The following CYTH1 variants were observed in gnomAD, a reference collection of about 807,000 sequenced individuals.
CYTH1 encodes the protein cytohesin 1.
A neutral mutation model predicts 61.8 loss-of-function variants in CYTH1; 18 were observed. That is an observed-to-expected ratio of 0.29 (90% confidence interval 0.20 to 0.43). The LOEUF is 0.43. Ranked by LOEUF, CYTH1 falls within the 20% of genes least tolerant of loss-of-function variation. The pLI, the probability that CYTH1 is intolerant of heterozygous loss-of-function variation, is 1.00. For synonymous variants in CYTH1, 174 were observed against 184.3 expected (o/e 0.94, Z 0.45); for missense variants, 336 against 510.5 (o/e 0.66, Z 3.29).
intron 1 of CYTH1, among the ~76,000 whole-genome samples, chr17:78,768,838 C>G (rs1010315979): frequency 6.6e-6 from 1 of 152,024 alleles, no homozygotes; most frequent in African/African-American, 2.4e-5. Flanking sequence ...TCCCTTCCCC[C>G]TCTTGGCAAA....
chr17:78,678,894 G>A (rs897861623), intron 13 of CYTH1, among the ~76,000 whole-genome samples: 24 of 152,382 alleles, frequency 1.6e-4, no homozygotes, highest in African/African-American at 5.5e-4. Flanking sequence ...GAGACAGAGC[G>A]AGGAGTCTCA....
intron 2 of CYTH1, 160 bp downstream of exon 2, chr17:78,709,490 G>T: frequency 1.5e-6 from 1 of 661,084 alleles, no homozygotes; most frequent in Non-Finnish European, 2.6e-6. Flanking sequence ...AGCTGTAGAG[G>T]AAAGGTGACT....
chr17:78,752,558 G>A (rs1286166932), intron 1 of CYTH1, among the ~76,000 whole-genome samples: 4 of 152,046 alleles, frequency 2.6e-5, no homozygotes, highest in African/African-American at 4.8e-5. Flanking sequence ...TCAGCTTCCC[G>A]AGTAACTGAG....
intron 1 of CYTH1, among the ~76,000 whole-genome samples, chr17:78,756,365 C>T (rs1005575434): frequency 2.0e-5 from 3 of 152,040 alleles, no homozygotes; most frequent in Non-Finnish European, 4.4e-5. Flanking sequence ...CATGAGCCAC[C>T]GCGCCCAGCC....
At chr17:78,676,792 C>T (rs1018074370) in intron 13 of CYTH1, 1 of 357,332 alleles carries the variant, frequency 2.8e-6, no homozygotes, top group Middle Eastern at 7.2e-4. Flanking sequence ...GCCTCAAAGA[C>T]AGCAGCGCAG....
intron 1 of CYTH1, among the ~76,000 whole-genome samples, chr17:78,752,015 C>T (rs1353331787): frequency 6.6e-6 from 1 of 152,162 alleles, no homozygotes; most frequent in Admixed American, 6.5e-5. Context: ...GGATAACAGG[C>T]GTGAGCCACC....
At position 78,730,255 on chromosome 17, in the gene CYTH1, G is replaced by C. The variant is rs561138180; in HGVS notation, c.23-20523C>G. On this transcript the variant is annotated intron_variant, in intron 1 of 13. Transcript: ENST00000446868. ...ATAGTCACTGACTAGGCCGGGCGCG[G>C]TGTCTCACGCCTTTAATCCCAGCAC... is the stretch of plus-strand genomic sequence containing the variant. Among the ~76,000 whole-genome samples the C allele has an allele frequency of 5.3e-5, 8 of 151,700 alleles. No individual in the cohort carries two copies. The East Asian group carries it at 1.6e-3, about 30-fold the overall frequency.
intron 1 of CYTH1, among the ~76,000 whole-genome samples, chr17:78,780,949 G>T (rs2093514669): frequency 6.6e-6 from 1 of 152,126 alleles, no homozygotes. Context: ...GGCCGAGGTT[G>T]CAGTGAGCCG....
chr17:78,687,001 G>A (rs907575479), intron 11 of CYTH1, among the ~76,000 whole-genome samples: 10 of 151,854 alleles, frequency 6.6e-5, no homozygotes, highest in African/African-American at 1.9e-4. Flanking sequence ...GGCTGGTCTC[G>A]AACTCCCAAC....
At chr17:78,749,664 AT>A (rs1327733188) in intron 1 of CYTH1, among the ~76,000 whole-genome samples, 46 of 151,976 alleles carry the variant, frequency 3.0e-4, no homozygotes, top group African/African-American at 1.1e-3. Context: ...AAATAAAAAA[AT>A]AAAAAAAAAC....
intron 1 of CYTH1, among the ~76,000 whole-genome samples, chr17:78,761,122 C>G (rs1389687985): frequency 2.0e-5 from 3 of 152,056 alleles, no homozygotes; most frequent in African/African-American, 7.2e-5. Context: ...TGTGAGCCAC[C>G]GCGCCCAGCC....
chr17:78,701,795 G>A (rs2093012371), intron 5 of CYTH1, 44 bp from the exon 6 acceptor site: 1 of 1,587,510 alleles, frequency 6.3e-7, no homozygotes, highest in South Asian at 1.1e-5. Context: ...CAGGAGTCAG[G>A]CACCAACACT....
At chr17:78,748,757 C>T (rs1404807017) in intron 1 of CYTH1, among the ~76,000 whole-genome samples, 4 of 151,986 alleles carry the variant, frequency 2.6e-5, no homozygotes, top group Admixed American at 1.3e-4. Context: ...TGCTTTTGTC[C>T]CTTGTTGCTT....
At chr17:78,685,574 C>T (rs2092808480) in intron 11 of CYTH1, among the ~76,000 whole-genome samples, 1 of 152,116 alleles carries the variant, frequency 6.6e-6, no homozygotes, top group African/African-American at 2.4e-5. Context: ...TTTTCGTATT[C>T]TGAACTTAAG....
chr17:78,777,349 C>CAG (rs1478807402), intron 1 of CYTH1, among the ~76,000 whole-genome samples: 2 of 151,944 alleles, frequency 1.3e-5, no homozygotes, highest in East Asian at 3.9e-4. Context: ...ACCCAGGAGG[C>CAG]AGAGCTGGCA....
chr17:78,781,611 C>T (rs1214107805), intron 1 of CYTH1, among the ~76,000 whole-genome samples: 1 of 152,132 alleles, frequency 6.6e-6, no homozygotes, highest in Non-Finnish European at 1.5e-5. Flanking sequence ...GGAGCCCGCG[C>T]CTCGCCGGCG....
intron 1 of CYTH1, among the ~76,000 whole-genome samples, chr17:78,765,269 C>A (rs1018848868): frequency 1.3e-5 from 2 of 152,140 alleles, no homozygotes; most frequent in African/African-American, 4.8e-5. Context: ...GACCATGGAA[C>A]ACACCCAGAA....
chr17:78,715,155 T>G (rs1327687691), intron 1 of CYTH1, among the ~76,000 whole-genome samples: 19 of 152,076 alleles, frequency 1.2e-4, no homozygotes, highest in Non-Finnish European at 1.5e-5. Flanking sequence ...ATAAAGACGA[T>G]CCTAAAACCT....
chr17:78,766,946 C>T (rs987913177), intron 1 of CYTH1, among the ~76,000 whole-genome samples: 3 of 152,198 alleles, frequency 2.0e-5, no homozygotes, highest in African/African-American at 7.2e-5. Flanking sequence ...CCTTTAGAAT[C>T]TCTCTACTTC....
Sources: allele counts gnomAD v4.1 joint callset (sites outside exome capture counted in the v4.1 genomes callset), GRCh38; gene constraint gnomAD v4.1.1; transcripts MANE v1.5; gene names NCBI Gene and HGNC (gene_info 2026-07-23, HGNC 2026-07-21).